The following F2 variants were observed in gnomAD, a reference collection of about 807,000 sequenced individuals.
F2 encodes coagulation factor II, thrombin, also known as prothrombin.
Under a neutral mutation model 81.9 loss-of-function variants are expected in F2, and 34 were observed. That is an observed-to-expected ratio of 0.42 (90% CI 0.32 to 0.55). The LOEUF (loss-of-function observed/expected upper bound fraction) is 0.55, where lower values mean the gene tolerates loss of function less well. F2 is among the 20% of genes least tolerant of loss of function. The probability of loss-of-function intolerance (pLI) is 0.18; values close to 1 mark genes in which losing one functional copy is unlikely to be tolerated. For missense variants in F2, 630 were observed against 833.4 expected (o/e 0.76, Z 3.00); for synonymous variants, 296 against 326.4 (o/e 0.91, Z 1.01).
In F2 at chr11:46,726,319, C is replaced by A. The variant is rs908342776; in HGVS notation, c.874+146C>A. On this transcript the variant is annotated intron_variant, in intron 7 of 13. Transcript: ENST00000311907. This position sits in a 1 kb window ranked among gnomAD's most constrained non-coding sequence, Gnocchi z 5.9. The stretch of plus-strand genomic sequence containing the variant: ...CCAGGTGGGGGGTAAGGTCCTGTGC[C>A]CATTTCACAGATAAGTACACTGAGG... 8.4e-6 allele frequency: 12 copies of A among 1,434,666 alleles called. No individual in the cohort carries two copies. The African/African-American group carries it at 1.7e-4, about 20-fold the overall frequency. 88.9% of individuals were successfully genotyped at this position (1,434,666 alleles called of 1,614,324 possible). A position where few individuals can be genotyped will look rare whatever the true frequency, so the allele number is the denominator to read the frequency against.
Position 46,721,019 on chromosome 11 carries a change from G to A in F2, c.316+179G>A, listed in dbSNP as rs534861523. On this transcript the variant is annotated intron_variant, in intron 4 of 13. Transcript: ENST00000311907. ...CTGGCTCTGTGTCTGGCATGCGAAC[G>A]AATGAATGAATGAATGGACTAATGA... Among the ~76,000 whole-genome samples the A allele has an allele frequency of 9.9e-5, 15 of 152,108 alleles. No individual in the cohort carries two copies. The South Asian group carries it at 1.2e-3, about 13-fold the overall frequency.
intron 6 of F2, among the ~76,000 whole-genome samples, chr11:46,725,557 C>T (rs958434335): frequency 1.8e-4 from 28 of 152,272 alleles, no homozygotes; most frequent in African/African-American, 6.7e-4. Flanking sequence ...ATGACTCCTC[C>T]AGCAGCTCCA....
intron 12 of F2, among the ~76,000 whole-genome samples, chr11:46,730,374 C>T (rs2064903918): frequency 6.6e-6 from 1 of 151,974 alleles, no homozygotes; most frequent in South Asian, 2.1e-4. Flanking sequence ...GATGTCTGGG[C>T]AGGGACTGGA....
rs756544259 is a variant in F2 at position 46,720,802 on chromosome 11, C to T, written c.278C>T (p.Ala93Val). 3.1e-6 allele frequency: 5 copies of T among 1,613,924 alleles called. No individual in the cohort carries two copies. The highest frequency in any genetic ancestry group is 4.2e-6 in the Non-Finnish European group (5 of 1,180,032). Residue 93 changes from alanine (A) to valine (V), a missense_variant, in exon 4 of 14, where the codon GCG becomes GTG. Ala to Val is a moderately conservative substitution (Grantham distance 64, BLOSUM62 0). Coordinates refer to ENST00000311907, the MANE Select transcript of F2 (RefSeq NM_000506.5). ...GGGTCTTTTCCAGCTTGTGAGACAG[C>T]GAGGACGCCTCGAGATAAGCTTGCT... ...FWAKYTACET[A>V]RTPRDKLAAC...
At chr11:46,720,636 G>GCCATCCAC (rs1234518907) in intron 3 of F2, 89 bp downstream of exon 3, 3 of 1,548,230 alleles carry the variant, frequency 1.9e-6, no homozygotes, top group Admixed American at 1.7e-5. Flanking sequence ...GCTGCACCTA[G>GCCATCCAC]CCATCCACCC....
intron 13 of F2, 34 bp downstream of exon 13, chr11:46,739,152 A>G: frequency 1.9e-6 from 3 of 1,614,028 alleles, no homozygotes; most frequent in Non-Finnish European, 1.7e-6. Flanking sequence ...CCTGGTGAAC[A>G]CATCTTCTGG....
In F2 at chr11:46,729,457, AG is replaced by A; in HGVS notation, c.1554del (p.Gln519SerfsTer8). On this transcript the variant is annotated frameshift_variant, in exon 12 of 14. Coordinates refer to ENST00000311907, the MANE Select transcript of F2 (RefSeq NM_000506.5). LOFTEE classifies it high-confidence loss of function. ...GAGACGTGGACAGCCAACGTTGGTA[AG>A]GGGCAGCCCAGTGTCCTGCAGGTGG... ...LKETWTANVG[K>X]GQPSVLQVVN... 1 of 1,614,130 alleles carries A rather than the reference AG, an allele frequency of 6.2e-7. No individual in the cohort carries two copies. Among genetic ancestry groups the A allele is most frequent in the Non-Finnish European group, 8.5e-7 (1 of 1,180,018 alleles).
chr11:46,724,831 C>T (rs2064861295), intron 6 of F2, among the ~76,000 whole-genome samples: 1 of 151,538 alleles, frequency 6.6e-6, no homozygotes, highest in South Asian at 2.1e-4. Context: ...AGTGCAGTGG[C>T]CCTATCTCAG....
intron 12 of F2, among the ~76,000 whole-genome samples, chr11:46,738,588 C>T (rs1044291172): frequency 6.6e-6 from 1 of 152,130 alleles, no homozygotes; most frequent in African/African-American, 2.4e-5. Flanking sequence ...ATCCTCCTCT[C>T]TTAGCCTCCC....
At chr11:46,729,206 C>G (rs1024995185) in intron 11 of F2, among the ~76,000 whole-genome samples, 174 bp from the exon 12 acceptor site, 3 of 152,164 alleles carry the variant, frequency 2.0e-5, no homozygotes, top group Non-Finnish European at 2.9e-5. Context: ...TCTCGAACCC[C>G]TGACCTCAAG....
At chr11:46,739,158 T>C (rs1387131141) in intron 13 of F2, 40 bp downstream of exon 13, 3 of 1,613,854 alleles carry the variant, frequency 1.9e-6, no homozygotes, top group Non-Finnish European at 2.5e-6. Context: ...GAACACATCT[T>C]CTGGGGGTGG....
In F2 at chr11:46,726,189, A is replaced by AGG; in HGVS notation, c.874+20_874+21dup. On this transcript the variant is annotated intron_variant, in intron 7 of 13. Coordinates refer to ENST00000311907, the MANE Select transcript of F2 (RefSeq NM_000506.5). This position sits in a 1 kb window ranked among gnomAD's most constrained non-coding sequence, Gnocchi z 5.9. The stretch of plus-strand genomic sequence containing the variant: ...AACTATTGTGGTGAGCTGCCTGGGT[A>AGG]GGGGGCCTGAGTTGCAGGGACAAAT... 6.2e-7 allele frequency: 1 copy of AGG among 1,612,316 alleles called. No homozygotes were observed. The highest frequency in any genetic ancestry group is 8.5e-7 in the Non-Finnish European group (1 of 1,179,926).
chr11:46,735,242 C>A (rs1208818487), intron 12 of F2, among the ~76,000 whole-genome samples: 1 of 151,598 alleles, frequency 6.6e-6, no homozygotes, highest in Admixed American at 6.6e-5. Context: ...GAGATAGAGA[C>A]CATCCTGGCC....
Position 46,719,726 on chromosome 11 carries a change from G to T in F2, c.104G>T (p.Arg35Leu), listed in dbSNP as rs1296934945. 6.3e-7 allele frequency: 1 copy of T among 1,594,480 alleles called. No individual in the cohort carries two copies. The highest frequency in any genetic ancestry group is 8.5e-7 in the Non-Finnish European group (1 of 1,171,878). Residue 35 changes from arginine to leucine, a missense_variant, in exon 2 of 14, where the codon CGG (arginine) becomes CTG (leucine). Physicochemically the swap from Arg to Leu is moderately radical, Grantham distance 102. Transcript: ENST00000311907. The surrounding 1 kb of genome is among the most constrained non-coding windows in gnomAD (Gnocchi z 4.7). ...GTGTTCCTGGCTCCTCAGCAAGCACGGTCGCTGCTCCAGCGGGTCCGGCGA... is the reference window on the plus strand; with the variant it reads ...GTGTTCCTGGCTCCTCAGCAAGCACTGTCGCTGCTCCAGCGGGTCCGGCGA... The part of the protein sequence containing the change: ...QHVFLAPQQA[R>L]SLLQRVRRAN...
chr11:46,739,001 G>A, intron 12 of F2, 47 bp from the exon 13 acceptor site: 1 of 1,605,886 alleles, frequency 6.2e-7, no homozygotes, highest in Admixed American at 1.7e-5. Flanking sequence ...GGGCGTGGCT[G>A]GGCTATGAGC....
chr11:46,721,560 C>T (rs1413875315), intron 4 of F2, among the ~76,000 whole-genome samples: 1 of 152,206 alleles, frequency 6.6e-6, no homozygotes, highest in Non-Finnish European at 1.5e-5. Flanking sequence ...TCCTCTGGAG[C>T]GACCATCACA....
Position 46,723,477 on chromosome 11 carries a change from A to C in F2, c.518A>C (p.Asp173Ala), listed in dbSNP as rs1310812018. 6.2e-7 allele frequency: 1 copy of C among 1,613,746 alleles called. No individual in the cohort carries two copies. The highest frequency in any genetic ancestry group is 8.5e-7 in the Non-Finnish European group (1 of 1,179,920). ...STTGPWCYTT[D>A]PTVRRQECSI... ...ACGGGACCCTGGTGCTACACTACAGACCCCACCGTGAGGAGGCAGGAATGC... is the reference window on the plus strand; with the variant it reads ...ACGGGACCCTGGTGCTACACTACAGCCCCCACCGTGAGGAGGCAGGAATGC... Residue 173 changes from aspartate (D) to alanine (A), a missense_variant, in exon 6 of 14, where the codon GAC becomes GCC. Coordinates refer to ENST00000311907, the MANE Select transcript of F2 (RefSeq NM_000506.5). The surrounding 1 kb of genome is among the most constrained non-coding windows in gnomAD (Gnocchi z 5.6).
At chr11:46,727,486 G>A (rs1304300677) in intron 9 of F2, among the ~76,000 whole-genome samples, 1 of 152,074 alleles carries the variant, frequency 6.6e-6, no homozygotes, top group Non-Finnish European at 1.5e-5. Flanking sequence ...GGTGCAAAAA[G>A]CAGGAGGCAG....
chr11:46,726,881 G>A lies in F2; in HGVS notation c.1130+44G>A. On this transcript the variant is annotated intron_variant, in intron 9 of 13. Transcript: ENST00000311907. The surrounding 1 kb of genome is among the most constrained non-coding windows in gnomAD (Gnocchi z 5.9). ...CGCTACCATTCACTCCTGGGGGCAG[G>A]TGTGCTGCTGGACCCCCACCCTCAG... 1.2e-6 allele frequency: 2 copies of A among 1,610,798 alleles called. No individual in the cohort carries two copies. Among genetic ancestry groups the A allele is most frequent in the East Asian group, 4.5e-5 (2 of 44,804 alleles).
Sources: allele counts gnomAD v4.1 joint callset (sites outside exome capture counted in the v4.1 genomes callset), GRCh38; gene constraint gnomAD v4.1.1; non-coding constraint Gnocchi (gnomAD v3.1); transcripts MANE v1.5; gene names NCBI Gene and HGNC (gene_info 2026-07-23, HGNC 2026-07-21).